TENM4: variants seen among roughly 807,000 people sequenced by gnomAD.
The protein encoded by TENM4 is teneurin-4.
In TENM4, 82 loss-of-function variants were observed where a neutral mutation model predicts 243.3. That is an observed-to-expected ratio of 0.34 (90% CI 0.28 to 0.40). The LOEUF is 0.40. Among genes scored for constraint, TENM4 ranks in the 10% least tolerant of loss-of-function variants. TENM4 has a pLI of 1.00. For missense variants in TENM4, 3,138 were observed against 3,673.3 expected (o/e 0.85, Z 3.77); for synonymous variants, 1,412 against 1,456.3 (o/e 0.97, Z 0.69).
intron 1 of TENM4, among the ~76,000 whole-genome samples, chr11:79,410,719 T>C (rs181649579): frequency 2.0e-5 from 3 of 152,356 alleles, no homozygotes; most frequent in Admixed American, 1.3e-4. Context: ...AGGAATAGTA[T>C]TGCCTGCCTG....
intron 6 of TENM4, among the ~76,000 whole-genome samples, chr11:78,988,487 G>A (rs967294531): frequency 3.9e-5 from 6 of 152,180 alleles, no homozygotes; most frequent in African/African-American, 1.2e-4. Flanking sequence ...AATGCATAAG[G>A]CCTATTTGAA....
intron 1 of TENM4, among the ~76,000 whole-genome samples, chr11:79,342,851 C>T (rs1407144353): frequency 6.6e-6 from 1 of 152,236 alleles, no homozygotes; most frequent in South Asian, 2.1e-4. Context: ...GTGCAGTTCC[C>T]TTCCCCCTGC....
chr11:79,253,099 T>C (rs1462952892), intron 2 of TENM4, among the ~76,000 whole-genome samples: 2 of 152,180 alleles, frequency 1.3e-5, no homozygotes, highest in Non-Finnish European at 2.9e-5. Context: ...GAAAGTAAAC[T>C]CAACAACTAA....
intron 4 of TENM4, among the ~76,000 whole-genome samples, chr11:79,087,753 C>T (rs1402855608): frequency 6.6e-6 from 1 of 152,244 alleles, no homozygotes; most frequent in African/African-American, 2.4e-5. Context: ...TCCTTAATCA[C>T]TCTGCACTGG....
At chr11:78,754,976 C>T (rs1452670623) in intron 19 of TENM4, among the ~76,000 whole-genome samples, 1 of 152,172 alleles carries the variant, frequency 6.6e-6, no homozygotes, top group Non-Finnish European at 1.5e-5. Context: ...GTGGAAAGTG[C>T]AGGGGCTCCT....
chr11:79,378,718 T>C (rs1334945117), intron 1 of TENM4, among the ~76,000 whole-genome samples: 2 of 151,612 alleles, frequency 1.3e-5, no homozygotes, highest in East Asian at 1.9e-4. Flanking sequence ...AAAATATGGA[T>C]AATAGAAAGA....
At chr11:78,688,305 C>A in intron 28 of TENM4, 79 bp from the exon 29 acceptor site, 2 of 1,478,986 alleles carry the variant, frequency 1.4e-6, no homozygotes, top group Non-Finnish European at 1.8e-6. Flanking sequence ...TACCTCATGC[C>A]ATGGTTTTGC....
intron 2 of TENM4, among the ~76,000 whole-genome samples, chr11:79,234,616 A>G (rs1004044155): frequency 6.6e-6 from 1 of 152,072 alleles, no homozygotes; most frequent in Admixed American, 6.5e-5. Flanking sequence ...CCCTTCTTCC[A>G]CCTCTGCAGA....
At chr11:79,293,544 GTT>G (rs1856392593) in intron 2 of TENM4, among the ~76,000 whole-genome samples, 1 of 150,672 alleles carries the variant, frequency 6.6e-6, no homozygotes, top group Non-Finnish European at 1.5e-5. Flanking sequence ...AAAAAAAAGT[GTT>G]AGGGAAAAAT....
intron 2 of TENM4, among the ~76,000 whole-genome samples, chr11:79,261,638 A>T (rs1186091131): frequency 6.6e-6 from 1 of 151,540 alleles, no homozygotes; most frequent in Non-Finnish European, 1.5e-5. Flanking sequence ...ATATACAGAG[A>T]GAGAGAGCTG....
chr11:78,811,053 C>T (rs1385116159), intron 14 of TENM4, among the ~76,000 whole-genome samples: 2 of 152,150 alleles, frequency 1.3e-5, no homozygotes, highest in South Asian at 4.1e-4. Context: ...ATTTATGGAG[C>T]GTTTACTATG....
intron 4 of TENM4, among the ~76,000 whole-genome samples, chr11:79,111,568 C>CA (rs557646656): frequency 3.2e-4 from 48 of 151,926 alleles, no homozygotes; most frequent in Non-Finnish European, 5.9e-4. Context: ...ACAACAACGA[C>CA]AAAAAAACAA....
chr11:79,052,542 G>T (rs1181336923), intron 6 of TENM4, among the ~76,000 whole-genome samples: 1 of 152,210 alleles, frequency 6.6e-6, no homozygotes, highest in African/African-American at 2.4e-5. Flanking sequence ...TTCACTGTAA[G>T]TATATAATAA....
intron 6 of TENM4, among the ~76,000 whole-genome samples, chr11:79,018,471 C>A (rs1279905973): frequency 6.6e-6 from 1 of 151,982 alleles, no homozygotes; most frequent in Admixed American, 6.6e-5. Flanking sequence ...CACACACATC[C>A]CCCCACACAC....
At chr11:79,293,608 T>C (rs916876920) in intron 2 of TENM4, among the ~76,000 whole-genome samples, 1 of 151,932 alleles carries the variant, frequency 6.6e-6, no homozygotes, top group African/African-American at 2.4e-5. Context: ...GCTTCATAAA[T>C]GTCTGTTGGC....
At chr11:79,225,622 G>A (rs991323538) in intron 2 of TENM4, among the ~76,000 whole-genome samples, 1 of 152,026 alleles carries the variant, frequency 6.6e-6, no homozygotes, top group Non-Finnish European at 1.5e-5. Context: ...AAGACCAGAG[G>A]CATACACCAC....
chr11:79,004,941 CAAAAA>C (rs58631195), intron 6 of TENM4, among the ~76,000 whole-genome samples: 3 of 87,788 alleles, frequency 3.4e-5, no homozygotes, highest in African/African-American at 7.6e-5. Flanking sequence ...ATAGAAATAC[CAAAAA>C]AAAAAAAAAA....
At chr11:79,387,091 A>G (rs531136902) in intron 1 of TENM4, among the ~76,000 whole-genome samples, 3 of 152,354 alleles carry the variant, frequency 2.0e-5, no homozygotes, top group East Asian at 3.9e-4. Context: ...CTCCGACTCT[A>G]TGGAGCAACG....
At chr11:79,097,285 T>C (rs1861106759) in intron 4 of TENM4, 2 of 152,192 alleles carry the variant, frequency 1.3e-5, no homozygotes, top group Admixed American at 6.5e-5. Context: ...GAGGTTTTCT[T>C]TCCTTGGTTA....
Sources: allele counts gnomAD v4.1 joint callset (sites outside exome capture counted in the v4.1 genomes callset), GRCh38; gene constraint gnomAD v4.1.1; transcripts MANE v1.5; gene names NCBI Gene and HGNC (gene_info 2026-07-23, HGNC 2026-07-21).